The following LEF1 variants were observed in gnomAD, a reference collection of about 807,000 sequenced individuals.
LEF1 encodes lymphoid enhancer binding factor 1, also known as lymphoid enhancer-binding factor 1.
A neutral mutation model predicts 51.2 loss-of-function variants in LEF1; 14 were observed. That is an observed-to-expected ratio of 0.27 (90% CI 0.18 to 0.43). The LOEUF is 0.43. Among genes scored for constraint, LEF1 ranks in the 20% least tolerant of loss-of-function variants. LEF1 has a pLI of 1.00. For synonymous variants in LEF1, 185 were observed against 183.2 expected (o/e 1.01, Z -0.08); for missense variants, 386 against 512.0 (o/e 0.75, Z 2.37).
chr4:108,149,352 G>A (rs1280744564), intron 3 of LEF1, among the ~76,000 whole-genome samples: 9 of 149,112 alleles, frequency 6.0e-5, no homozygotes, highest in Non-Finnish European at 1.2e-4. Context: ...CCGGCTACTC[G>A]GGAGGCTGAG....
At chr4:108,150,553 T>G (rs980172342) in intron 3 of LEF1, among the ~76,000 whole-genome samples, 1 of 152,222 alleles carries the variant, frequency 6.6e-6, no homozygotes, top group Admixed American at 6.5e-5. Flanking sequence ...ATTTACATTA[T>G]TTAATAAAAG....
At chr4:108,157,720 C>T (rs1164207071) in intron 3 of LEF1, among the ~76,000 whole-genome samples, 2 of 152,210 alleles carry the variant, frequency 1.3e-5, no homozygotes, top group African/African-American at 4.8e-5. Flanking sequence ...GGCAACAAAA[C>T]TCTTGCTTGC....
rs185877927 is a variant in LEF1 at position 108,099,615 on chromosome 4, T to A, written c.415-10358A>T. On this transcript the variant is annotated intron_variant, in intron 3 of 11. Transcript: ENST00000265165. ...ATATATATATATATATATATATATA[T>A]ATAAATAATACTTGAAATTATGGGG... is the stretch of plus-strand genomic sequence containing the variant. 7.3e-3 allele frequency among the ~76,000 whole-genome samples: 866 copies of A among 118,128 alleles called. 8 individuals carry two copies. The highest frequency in any genetic ancestry group is 0.012 in the Non-Finnish European group (686 of 57,926). 77.5% of individuals were successfully genotyped at this position (118,128 alleles called of 152,430 possible). A position where few individuals can be genotyped will look rare whatever the true frequency, so the allele number is the denominator to read the frequency against.
rs544723800 is a variant in LEF1 at position 108,157,240 on chromosome 4, C to T, written c.414+6328G>A. Among the ~76,000 whole-genome samples, 248 of 127,422 alleles carry T rather than the reference C, an allele frequency of 1.9e-3. 1 individual carries two copies. Among genetic ancestry groups the T allele is most frequent in the African/African-American group, 6.7e-3 (235 of 35,328 alleles). The allele number at this position is 127,422 out of a possible 152,430, so 83.6% of individuals were successfully genotyped here. A position where few individuals can be genotyped will look rare whatever the true frequency, so the allele number is the denominator to read the frequency against. ...CACACAAACACACATATAGCTCTTT[C>T]GCCCAGGCTGGATGCAATGGTGCGA... On this transcript the variant is annotated intron_variant, in intron 3 of 11. Transcript: ENST00000265165.
rs1368820256 is a variant in LEF1 at position 108,116,909 on chromosome 4, G to A, written c.415-27652C>T. On this transcript the variant is annotated intron_variant, in intron 3 of 11. Coordinates refer to ENST00000265165, the MANE Select transcript of LEF1 (RefSeq NM_016269.5). ...GGCACATCATAAGCACTGTGTAAGT[G>A]CCCACAAGTAAAGAGACTGGTCACA... is the stretch of plus-strand genomic sequence containing the variant. Among the ~76,000 whole-genome samples the A allele has an allele frequency of 8.5e-5, 13 of 152,276 alleles. 1 individual carries two copies. In the Middle Eastern group the frequency reaches 0.017, roughly 199 times the overall value.
chr4:108,134,424 G>A (rs764305166), intron 3 of LEF1, among the ~76,000 whole-genome samples: 3 of 152,172 alleles, frequency 2.0e-5, no homozygotes, highest in Non-Finnish European at 4.4e-5. Flanking sequence ...GGGCTCTACT[G>A]CTCATCCAGA....
intron 3 of LEF1, among the ~76,000 whole-genome samples, chr4:108,157,164 C>A (rs796662057): frequency 0.018 from 1,409 of 78,806 alleles, 19 homozygotes; most frequent in South Asian, 0.06. Context: ...CTCTCTCTCT[C>A]TCTCTATATA....
At chr4:108,092,256 C>T (rs775266219) in intron 3 of LEF1, among the ~76,000 whole-genome samples, 1 of 152,088 alleles carries the variant, frequency 6.6e-6, no homozygotes, top group Non-Finnish European at 1.5e-5. Flanking sequence ...AGATGGATAG[C>T]GAAAGCAGTA....
At chr4:108,133,219 G>A (rs986870143) in intron 3 of LEF1, among the ~76,000 whole-genome samples, 24 of 152,120 alleles carry the variant, frequency 1.6e-4, no homozygotes, top group South Asian at 1.0e-3. Flanking sequence ...TGATCCGCCC[G>A]CCCCAGCATC....
chr4:108,106,132 A>G (rs540040104), intron 3 of LEF1, among the ~76,000 whole-genome samples: 8 of 152,164 alleles, frequency 5.3e-5, no homozygotes, highest in Non-Finnish European at 1.2e-4. Flanking sequence ...TGATCAGTCA[A>G]TTTCACCTAT....
At chr4:108,135,871 G>A (rs59490899) in intron 3 of LEF1, among the ~76,000 whole-genome samples, 4 of 152,096 alleles carry the variant, frequency 2.6e-5, no homozygotes, top group Non-Finnish European at 5.9e-5. Context: ...CTGGCTCCAA[G>A]AACTTTTTCT....
At chr4:108,056,016 C>T (rs1283506417) in intron 11 of LEF1, among the ~76,000 whole-genome samples, 1 of 152,202 alleles carries the variant, frequency 6.6e-6, no homozygotes, top group Non-Finnish European at 1.5e-5. Flanking sequence ...TCTCCATTAT[C>T]CCAACTCCAA....
chr4:108,099,586 A>ATGTGTGTG (rs1327585087), intron 3 of LEF1, among the ~76,000 whole-genome samples: 1 of 46,880 alleles, frequency 2.1e-5, no homozygotes, highest in African/African-American at 5.7e-5. Context: ...ATATATATAT[A>ATGTGTGTG]TATATATATA....
chr4:108,106,022 C>A (rs185171273), intron 3 of LEF1, among the ~76,000 whole-genome samples: 8 of 152,280 alleles, frequency 5.3e-5, no homozygotes, highest in East Asian at 3.9e-4. Flanking sequence ...AATGTTGCCA[C>A]CCCGAATCCA....
intron 11 of LEF1, among the ~76,000 whole-genome samples, chr4:108,049,431 T>C (rs1409730001): frequency 6.6e-6 from 1 of 152,180 alleles, no homozygotes; most frequent in African/African-American, 2.4e-5. Context: ...AACTCCCACA[T>C]CCTCAAAGCT....
intron 3 of LEF1, among the ~76,000 whole-genome samples, chr4:108,141,824 C>T (rs938049497): frequency 1.3e-5 from 2 of 151,714 alleles, no homozygotes; most frequent in African/African-American, 2.4e-5. Flanking sequence ...TAACAAAAGC[C>T]GAAGGATGAC....
Position 108,136,868 on chromosome 4 carries a change from G to C in LEF1, c.414+26700C>G, listed in dbSNP as rs544110069. On this transcript the variant is annotated intron_variant, in intron 3 of 11. Transcript: ENST00000265165. ...TTTTATGAAATTATATAAGTATGTA[G>C]TCATTGAAAACTAAATAGCTACCAA... Among the ~76,000 whole-genome samples, 7 of 152,194 alleles carry C rather than the reference G, an allele frequency of 4.6e-5. No individual in the cohort carries two copies. The East Asian group carries it at 1.4e-3, about 29-fold the overall frequency.
chr4:108,064,020 A>C (rs920000411), intron 10 of LEF1, among the ~76,000 whole-genome samples: 1 of 152,236 alleles, frequency 6.6e-6, no homozygotes, highest in Admixed American at 6.5e-5. Context: ...CATAGTAAAA[A>C]GGCAAGAGTG....
At chr4:108,092,917 T>TAAAAAAAAAAAA (rs71592104) in intron 3 of LEF1, among the ~76,000 whole-genome samples, 4 of 31,154 alleles carry the variant, frequency 1.3e-4, no homozygotes, top group African/African-American at 3.9e-4. Context: ...AATGAATATG[T>TAAAAAAAAAAAA]AAAAAAAAAA....
Sources: gnomAD v4.1 joint callset for allele counts (sites outside exome capture counted in the v4.1 genomes callset) on GRCh38, gnomAD v4.1.1 for gene constraint, MANE v1.5 for transcripts, NCBI Gene and HGNC (gene_info 2026-07-23, HGNC 2026-07-21) for gene names.